AUH: variants seen among roughly 807,000 people sequenced by gnomAD.
AUH encodes the protein methylglutaconyl-CoA hydratase, mitochondrial.
Under a neutral mutation model 42.3 loss-of-function variants are expected in AUH, and 29 were observed. That is an observed-to-expected ratio of 0.69 (90% confidence interval 0.51 to 0.93). The LOEUF (loss-of-function observed/expected upper bound fraction) is 0.93, where lower values mean the gene tolerates loss of function less well. AUH is among the 40% of genes least tolerant of loss of function. The pLI is 0.00. For missense variants in AUH, 452 were observed against 438.1 expected (o/e 1.03, Z -0.28); for synonymous variants, 174 against 166.4 (o/e 1.05, Z -0.35).
At position 91,296,058 on chromosome 9, in the gene AUH, G is replaced by T; in HGVS notation, c.618C>A (p.Gly206=). Reference sequence around the variant, plus strand: ...TAATCGCCAATTTTGTTTCAACCAGGCCCATTTTTGCAGAGGAAGCTAAAA... The same window carrying T: ...TAATCGCCAATTTTGTTTCAACCAGTCCCATTTTTGCAGAGGAAGCTAAAA... ...IRVAASSAKM[G]LVETKLAIIP... Residue 206 remains glycine, a synonymous_variant, in exon 6 of 10, where the codon GGC becomes GGA. Transcript: ENST00000375731. 1 of 1,613,866 alleles carries T rather than the reference G, an allele frequency of 6.2e-7. No homozygotes were observed.
At chr9:91,277,558 A>G (rs1002336055) in intron 6 of AUH, among the ~76,000 whole-genome samples, 16 of 152,164 alleles carry the variant, frequency 1.1e-4, no homozygotes, top group African/African-American at 3.6e-4. Flanking sequence ...AAGAGAATGT[A>G]TAATATAATA....
At chr9:91,305,240 C>T (rs1242357201) in intron 4 of AUH, among the ~76,000 whole-genome samples, 2 of 152,056 alleles carry the variant, frequency 1.3e-5, no homozygotes, top group Non-Finnish European at 2.9e-5. Context: ...TTAGAAAGGA[C>T]GTATTCTTTA....
At chr9:91,293,098 G>A (rs867328005) in intron 6 of AUH, among the ~76,000 whole-genome samples, 12 of 152,092 alleles carry the variant, frequency 7.9e-5, no homozygotes, top group African/African-American at 2.9e-4. Flanking sequence ...GTATTCTGAC[G>A]GCTCAACCAA....
At chr9:91,241,661 TATA>T (rs1334936271) in intron 6 of AUH, among the ~76,000 whole-genome samples, 4 of 152,168 alleles carry the variant, frequency 2.6e-5, no homozygotes, top group African/African-American at 4.8e-5. Context: ...TTGCCAGAGA[TATA>T]ATGTTTCATG....
At chr9:91,353,308 G>A (rs1359895148) in intron 3 of AUH, among the ~76,000 whole-genome samples, 5 of 151,950 alleles carry the variant, frequency 3.3e-5, no homozygotes, top group Admixed American at 1.3e-4. Context: ...GGCTGGTCTC[G>A]AATTCTTGAC....
intron 3 of AUH, among the ~76,000 whole-genome samples, chr9:91,351,639 T>C (rs1053269936): frequency 2.0e-5 from 3 of 152,064 alleles, no homozygotes; most frequent in South Asian, 2.1e-4. Flanking sequence ...CAGCAGGAGG[T>C]GAGCACAGGC....
At chr9:91,271,261 T>C (rs1422300042) in intron 6 of AUH, among the ~76,000 whole-genome samples, 2 of 152,200 alleles carry the variant, frequency 1.3e-5, no homozygotes, top group Admixed American at 6.5e-5. Flanking sequence ...ACAAATTCAA[T>C]AGAAAAGAGC....
At chr9:91,336,783 C>G (rs1482669030) in intron 3 of AUH, among the ~76,000 whole-genome samples, 2 of 151,940 alleles carry the variant, frequency 1.3e-5, no homozygotes, top group Non-Finnish European at 2.9e-5. Context: ...AGCAGATCAT[C>G]ATTACTATCA....
intron 6 of AUH, among the ~76,000 whole-genome samples, chr9:91,281,963 C>G (rs1475447649): frequency 1.6e-4 from 25 of 152,144 alleles, no homozygotes; most frequent in Admixed American, 1.6e-3. Flanking sequence ...CATGTCACAG[C>G]ACGTCACACC....
chr9:91,330,213 C>T (rs1274092484), intron 3 of AUH, among the ~76,000 whole-genome samples: 1 of 152,114 alleles, frequency 6.6e-6, no homozygotes, highest in East Asian at 1.9e-4. Context: ...GAAAAGATAT[C>T]ACTTTCAAAA....
At chr9:91,294,786 TGGAG>T (rs1827189084) in intron 6 of AUH, 1 of 455,158 alleles carries the variant, frequency 2.2e-6, no homozygotes, top group Non-Finnish European at 4.4e-6. Context: ...AAGACTTCAG[TGGAG>T]GAAGTCACTA....
chr9:91,246,860 A>C (rs1828823306), intron 6 of AUH, among the ~76,000 whole-genome samples: 2 of 152,260 alleles, frequency 1.3e-5, no homozygotes, highest in Non-Finnish European at 2.9e-5. Flanking sequence ...AAGCCACATG[A>C]TGAGGATGGC....
intron 4 of AUH, 138 bp from the exon 5 acceptor site, chr9:91,298,214 CA>C (rs1827504339): frequency 1.5e-6 from 1 of 671,100 alleles, no homozygotes. Context: ...TTACCTTTAA[CA>C]AAATATAAGC....
intron 6 of AUH, among the ~76,000 whole-genome samples, chr9:91,294,304 C>T (rs298729): frequency 0.12 from 18,675 of 152,228 alleles, 1,658 homozygotes; most frequent in African/African-American, 0.25. Flanking sequence ...AATCCCAGCA[C>T]TTTGGGAGCT....
intron 6 of AUH, among the ~76,000 whole-genome samples, chr9:91,282,194 G>T (rs1826024025): frequency 6.6e-6 from 1 of 152,120 alleles, no homozygotes; most frequent in Non-Finnish European, 1.5e-5. Context: ...ACTTTTGACT[G>T]ACATGCTTTT....
intron 5 of AUH, among the ~76,000 whole-genome samples, chr9:91,297,777 C>A (rs1253338066): frequency 6.6e-6 from 1 of 152,008 alleles, no homozygotes; most frequent in Non-Finnish European, 1.5e-5. Context: ...GATTCAAACT[C>A]AGTTCTACCT....
chr9:91,269,580 A>G (rs1475218504), intron 6 of AUH, among the ~76,000 whole-genome samples: 1 of 152,232 alleles, frequency 6.6e-6, no homozygotes, highest in Non-Finnish European at 1.5e-5. Flanking sequence ...TGAGAAAAGT[A>G]CATTTTATTC....
intron 6 of AUH, among the ~76,000 whole-genome samples, chr9:91,267,764 GC>G: frequency 6.6e-6 from 1 of 152,210 alleles, no homozygotes. Flanking sequence ...CTCCAGGCAG[GC>G]AGGGCAGAAA....
chr9:91,292,150 T>C (rs913178264), intron 6 of AUH, among the ~76,000 whole-genome samples: 16 of 152,232 alleles, frequency 1.1e-4, no homozygotes, highest in African/African-American at 3.6e-4. Context: ...AGCTCATCTA[T>C]TTTTTTCATA....
Sources: gnomAD v4.1 joint callset for allele counts (sites outside exome capture counted in the v4.1 genomes callset) on GRCh38, gnomAD v4.1.1 for gene constraint, MANE v1.5 for transcripts, NCBI Gene and HGNC (gene_info 2026-07-23, HGNC 2026-07-21) for gene names.